GRID2: variants seen among roughly 807,000 people sequenced by gnomAD.
GRID2 encodes glutamate ionotropic receptor delta type subunit 2.
In GRID2, 33 loss-of-function variants were observed where a neutral mutation model predicts 114.8. That is an observed-to-expected ratio of 0.29 (90% CI 0.22 to 0.38). GRID2 has a LOEUF of 0.38. Among genes scored for constraint, GRID2 ranks in the 10% least tolerant of loss-of-function variants. The probability of loss-of-function intolerance (pLI) is 1.00; values close to 1 mark genes in which losing one functional copy is unlikely to be tolerated. For synonymous variants in GRID2, 505 were observed against 449.9 expected (o/e 1.12, Z -1.55); for missense variants, 1,184 against 1,257.7 (o/e 0.94, Z 0.89).
chr4:93,592,344 A>G (rs565811243), intron 13 of GRID2, among the ~76,000 whole-genome samples: 1 of 152,090 alleles, frequency 6.6e-6, no homozygotes, highest in Admixed American at 6.5e-5. Context: ...GAGGTTGTTC[A>G]GTTTCCATGT....
intron 2 of GRID2, among the ~76,000 whole-genome samples, chr4:93,062,888 ATC>A (rs1258538539): frequency 4.6e-5 from 7 of 152,042 alleles, no homozygotes; most frequent in Non-Finnish European, 1.0e-4. Flanking sequence ...GATCTTCACT[ATC>A]TTTAAAAGAC....
At chr4:93,256,286 A>T (rs1749575668) in intron 8 of GRID2, among the ~76,000 whole-genome samples, 2 of 152,068 alleles carry the variant, frequency 1.3e-5, no homozygotes, top group South Asian at 4.1e-4. Context: ...ATTGTTGCTA[A>T]CAGAAATATA....
At chr4:93,629,482 T>G (rs962141950) in intron 14 of GRID2, among the ~76,000 whole-genome samples, 1 of 152,198 alleles carries the variant, frequency 6.6e-6, no homozygotes, top group Non-Finnish European at 1.5e-5. Context: ...AGAAAATATT[T>G]GCATTTGTTC....
At chr4:93,393,877 T>C (rs532875104) in intron 8 of GRID2, among the ~76,000 whole-genome samples, 1 of 152,062 alleles carries the variant, frequency 6.6e-6, no homozygotes, top group Admixed American at 6.6e-5. Context: ...GAAAAGAAAT[T>C]CCTGTGTGTG....
chr4:92,337,034 T>A (rs1727222052), intron 1 of GRID2, among the ~76,000 whole-genome samples: 1 of 148,366 alleles, frequency 6.7e-6, no homozygotes, highest in African/African-American at 2.5e-5. Flanking sequence ...ATGTGGGGGT[T>A]CTTTGAAACT....
At chr4:93,206,258 A>G (rs1346619412) in intron 4 of GRID2, among the ~76,000 whole-genome samples, 1 of 152,006 alleles carries the variant, frequency 6.6e-6, no homozygotes. Flanking sequence ...CTAATTACGT[A>G]CTTTGAAAAA....
At chr4:93,510,711 G>GA (rs1054633514) in intron 12 of GRID2, among the ~76,000 whole-genome samples, 2 of 151,880 alleles carry the variant, frequency 1.3e-5, no homozygotes, top group South Asian at 2.1e-4. Context: ...TGCCAGGGGG[G>GA]AAAAATTCCA....
At chr4:92,666,233 C>T (rs1220649266) in intron 2 of GRID2, among the ~76,000 whole-genome samples, 1 of 151,492 alleles carries the variant, frequency 6.6e-6, no homozygotes, top group Non-Finnish European at 1.5e-5. Context: ...TATTATACTT[C>T]CCTGTTCCAG....
chr4:93,512,883 A>G (rs1480084898), intron 12 of GRID2, among the ~76,000 whole-genome samples: 1 of 152,182 alleles, frequency 6.6e-6, no homozygotes, highest in Non-Finnish European at 1.5e-5. Context: ...AGATCTTAAC[A>G]TTTGATTTCA....
chr4:93,674,978 A>C (rs1315486579), intron 14 of GRID2, among the ~76,000 whole-genome samples: 1 of 152,184 alleles, frequency 6.6e-6, no homozygotes, highest in Non-Finnish European at 1.5e-5. Context: ...ATTATTTCAC[A>C]TAAGACTTAT....
At chr4:93,584,859 G>T (rs1271979654) in intron 13 of GRID2, among the ~76,000 whole-genome samples, 1 of 152,050 alleles carries the variant, frequency 6.6e-6, no homozygotes, top group Non-Finnish European at 1.5e-5. Context: ...GGACTATAAA[G>T]TGGATGCCTA....
chr4:92,446,271 T>C (rs1222894690), intron 1 of GRID2, among the ~76,000 whole-genome samples: 4 of 152,146 alleles, frequency 2.6e-5, no homozygotes, highest in Non-Finnish European at 4.4e-5. Flanking sequence ...ATTTAAATTG[T>C]ATGTTCTTAC....
intron 13 of GRID2, among the ~76,000 whole-genome samples, chr4:93,605,311 A>G (rs964036210): frequency 3.3e-5 from 5 of 152,222 alleles, no homozygotes; most frequent in Non-Finnish European, 7.3e-5. Flanking sequence ...TTGTGGGTAT[A>G]TATTGGACAG....
At chr4:93,332,189 A>T (rs2149230171) in intron 8 of GRID2, among the ~76,000 whole-genome samples, 1 of 152,098 alleles carries the variant, frequency 6.6e-6, no homozygotes, top group South Asian at 2.1e-4. Context: ...ACAAAATTTG[A>T]CTTACAGAAG....
intron 1 of GRID2, among the ~76,000 whole-genome samples, chr4:93,791,761 C>A (rs1734699455): frequency 6.6e-6 from 1 of 152,098 alleles, no homozygotes; most frequent in Admixed American, 6.5e-5. Context: ...AGACTGACTC[C>A]CTGCTGTCTT....
chr4:92,722,072 C>T (rs1033407771), intron 2 of GRID2, among the ~76,000 whole-genome samples: 11 of 152,140 alleles, frequency 7.2e-5, no homozygotes, highest in African/African-American at 2.7e-4. Context: ...CATAGAGATA[C>T]TCAGCAACCA....
chr4:92,709,589 A>AAAAAAAATATAT (rs779775767), intron 2 of GRID2, among the ~76,000 whole-genome samples: 1 of 114,658 alleles, frequency 8.7e-6, no homozygotes, highest in Non-Finnish European at 1.7e-5. Context: ...AAAAAAAAAA[A>AAAAAAAATATAT]ATATATATAT....
At chr4:92,956,052 G>A (rs530244124) in intron 2 of GRID2, among the ~76,000 whole-genome samples, 17 of 152,208 alleles carry the variant, frequency 1.1e-4, no homozygotes, top group Middle Eastern at 3.4e-3. Context: ...ACTTTATTTA[G>A]AAAGAAAACA....
At chr4:92,884,603 CG>C (rs1413536822) in intron 2 of GRID2, 1 of 158,370 alleles carries the variant, frequency 6.3e-6, no homozygotes, top group East Asian at 1.9e-4. Context: ...TTAGAGGCCA[CG>C]GCAGGACTTT....
Sources: gnomAD v4.1 joint callset for allele counts (sites outside exome capture counted in the v4.1 genomes callset) on GRCh38, gnomAD v4.1.1 for gene constraint, MANE v1.5 for transcripts, NCBI Gene and HGNC (gene_info 2026-07-23, HGNC 2026-07-21) for gene names.